TMEFF2: variants seen among roughly 807,000 people sequenced by gnomAD.
TMEFF2 encodes the protein tomoregulin-2.
TMEFF2 carries 28 observed loss-of-function variants against 53.8 expected under a neutral mutation model. The observed-to-expected ratio is 0.52, with a 90% CI of 0.39 to 0.71. TMEFF2 has a LOEUF of 0.71. Ranked by LOEUF, TMEFF2 falls within the 30% of genes least tolerant of loss-of-function variation. The probability of loss-of-function intolerance (pLI) is 0.00; values close to 1 mark genes in which losing one functional copy is unlikely to be tolerated. For synonymous variants in TMEFF2, 162 were observed against 166.3 expected (o/e 0.97, Z 0.20); for missense variants, 353 against 455.2 (o/e 0.78, Z 2.04).
intron 4 of TMEFF2, among the ~76,000 whole-genome samples, chr2:192,095,367 T>C (rs1270566661): frequency 6.6e-6 from 1 of 152,198 alleles, no homozygotes; most frequent in Non-Finnish European, 1.5e-5. Context: ...GGCTCATGTC[T>C]GTAATCCCAG....
intron 2 of TMEFF2, among the ~76,000 whole-genome samples, chr2:192,190,067 G>A (rs1328495787): frequency 6.6e-6 from 1 of 152,124 alleles, no homozygotes; most frequent in Non-Finnish European, 1.5e-5. Flanking sequence ...ACTGGCCAAT[G>A]TATGAAAAAC....
chr2:192,097,135 A>C (rs1176879019), intron 4 of TMEFF2, among the ~76,000 whole-genome samples: 1 of 152,216 alleles, frequency 6.6e-6, no homozygotes, highest in African/African-American at 2.4e-5. Context: ...GGCTTCACTT[A>C]TAAGTATTTA....
intron 4 of TMEFF2, among the ~76,000 whole-genome samples, chr2:192,099,913 G>A (rs1452479359): frequency 6.6e-6 from 1 of 151,788 alleles, no homozygotes; most frequent in African/African-American, 2.4e-5. Flanking sequence ...GTTTTTATAT[G>A]TATTACTCAA....
intron 7 of TMEFF2, among the ~76,000 whole-genome samples, chr2:191,979,690 G>C (rs561119961): frequency 6.6e-6 from 1 of 151,574 alleles, no homozygotes; most frequent in South Asian, 2.1e-4. Flanking sequence ...CCAAAGCAAT[G>C]TTTGGAATTA....
intron 4 of TMEFF2, among the ~76,000 whole-genome samples, chr2:192,063,005 C>T (rs1688084995): frequency 6.7e-6 from 1 of 149,440 alleles, no homozygotes; most frequent in Non-Finnish European, 1.5e-5. Context: ...TATTCAATTA[C>T]AAATTTGATT....
intron 7 of TMEFF2, among the ~76,000 whole-genome samples, chr2:191,965,133 C>A (rs1692433636): frequency 6.6e-6 from 1 of 152,074 alleles, no homozygotes; most frequent in Admixed American, 6.6e-5. Flanking sequence ...CAGCCCAGAT[C>A]AACTTTTTAT....
intron 4 of TMEFF2, among the ~76,000 whole-genome samples, chr2:192,137,586 G>A (rs1690040112): frequency 6.6e-6 from 1 of 151,982 alleles, no homozygotes; most frequent in Admixed American, 6.6e-5. Flanking sequence ...GGAGCAAGGA[G>A]AGCAGGCATA....
intron 4 of TMEFF2, among the ~76,000 whole-genome samples, chr2:192,064,072 T>A (rs987467360): frequency 9.9e-5 from 15 of 151,856 alleles, no homozygotes; most frequent in Admixed American, 1.3e-4. Flanking sequence ...ACTTGGTATT[T>A]GATTCATATT....
intron 7 of TMEFF2, among the ~76,000 whole-genome samples, chr2:191,969,336 G>T (rs1692565443): frequency 6.6e-6 from 1 of 152,056 alleles, no homozygotes; most frequent in African/African-American, 2.4e-5. Context: ...ATCAGAGCCA[G>T]CTCATCACCA....
chr2:192,048,908 A>G (rs528910204), intron 5 of TMEFF2, among the ~76,000 whole-genome samples: 140 of 152,348 alleles, frequency 9.2e-4, no homozygotes, highest in Non-Finnish European at 1.8e-3. Flanking sequence ...GGATGCATGC[A>G]TAACCATGAT....
chr2:192,010,106 C>T (rs1450195089), intron 5 of TMEFF2, among the ~76,000 whole-genome samples: 2 of 152,096 alleles, frequency 1.3e-5, no homozygotes, highest in South Asian at 2.1e-4. Flanking sequence ...TGTATAAAAG[C>T]GACTTTCAAG....
intron 4 of TMEFF2, among the ~76,000 whole-genome samples, chr2:192,064,292 T>C (rs1005138710): frequency 6.6e-6 from 1 of 151,802 alleles, no homozygotes; most frequent in Non-Finnish European, 1.5e-5. Context: ...TGACAATATA[T>C]TTCTAATTAT....
intron 4 of TMEFF2, among the ~76,000 whole-genome samples, chr2:192,126,886 A>G (rs1287277869): frequency 6.6e-6 from 1 of 152,218 alleles, no homozygotes; most frequent in African/African-American, 2.4e-5. Context: ...GCTGCTGTAA[A>G]ATAATGCCCT....
intron 4 of TMEFF2, among the ~76,000 whole-genome samples, chr2:192,158,402 C>G (rs565619113): frequency 6.6e-6 from 1 of 151,926 alleles, no homozygotes; most frequent in Non-Finnish European, 1.5e-5. Context: ...CTGATGCTAG[C>G]CAAGCATTTT....
chr2:192,066,949 C>A (rs1286120409), intron 4 of TMEFF2, among the ~76,000 whole-genome samples: 1 of 151,650 alleles, frequency 6.6e-6, no homozygotes, highest in Non-Finnish European at 1.5e-5. Context: ...TTATTTAATT[C>A]CTGAAAGATG....
chr2:191,983,116 C>A (rs1240056481), intron 7 of TMEFF2, among the ~76,000 whole-genome samples: 1 of 152,138 alleles, frequency 6.6e-6, no homozygotes, highest in Non-Finnish European at 1.5e-5. Flanking sequence ...GCTTTAAAAA[C>A]ACAATGCAAA....
intron 5 of TMEFF2, among the ~76,000 whole-genome samples, chr2:192,012,898 T>C (rs1686664144): frequency 6.6e-6 from 1 of 152,110 alleles, no homozygotes; most frequent in South Asian, 2.1e-4. Context: ...CCTCCTTGAT[T>C]ATAGAAAAAC....
In TMEFF2 at chr2:192,191,987, A is replaced by G. The variant is rs777683127; in HGVS notation, c.175T>C (p.Tyr59His). ...AAGAGATCATTTTCTCTGTCATCAT[A>G]ACCTCAAATTCAAAGAGAACACTCC... is the stretch of plus-strand genomic sequence containing the variant. ...QTPTGWNCSG[Y>H]DDRENDLFLC... The change falls in exon 2 of 10, where the codon TAT (tyrosine) becomes CAT (histidine). Residue 59 changes from tyrosine to histidine, a missense_variant and splice_region_variant. This residue lies in a region of TMEFF2 where 294 missense variants were observed against 397.3 expected (regional missense o/e 0.74). Transcript: ENST00000272771. 16 of 1,603,506 alleles carry G rather than the reference A, an allele frequency of 1.0e-5. No homozygotes were observed. Among genetic ancestry groups the G allele is most frequent in the Non-Finnish European group, 1.4e-5 (16 of 1,170,586 alleles).
intron 7 of TMEFF2, among the ~76,000 whole-genome samples, chr2:191,959,649 C>A (rs187763092): frequency 5.8e-4 from 88 of 152,028 alleles, no homozygotes; most frequent in Middle Eastern, 3.4e-3. Context: ...TTTACCATTG[C>A]CCCTGTATTC....
Sources: allele counts gnomAD v4.1 joint callset (sites outside exome capture counted in the v4.1 genomes callset), GRCh38; gene constraint gnomAD v4.1.1; regional missense constraint gnomAD v4.1.1; transcripts MANE v1.5; gene names NCBI Gene and HGNC (gene_info 2026-07-23, HGNC 2026-07-21).